DPP6: variants seen among roughly 807,000 people sequenced by gnomAD.
The protein encoded by DPP6 is A-type potassium channel modulatory protein DPP6.
Under a neutral mutation model 122.6 loss-of-function variants are expected in DPP6, and 69 were observed. The ratio of observed to expected loss-of-function variants is 0.56; its 90% CI spans 0.46 to 0.69. DPP6 has a LOEUF of 0.69. Among genes scored for constraint, DPP6 ranks in the 30% least tolerant of loss-of-function variants. DPP6 has a pLI of 0.00. For synonymous variants in DPP6, 418 were observed against 433.1 expected (o/e 0.97, Z 0.43); for missense variants, 928 against 1,116.9 (o/e 0.83, Z 2.41).
intron 7 of DPP6, among the ~76,000 whole-genome samples, chr7:154,703,490 G>T (rs914677935): frequency 6.6e-6 from 1 of 151,944 alleles, no homozygotes; most frequent in African/African-American, 2.4e-5. Flanking sequence ...ATGATGGTGG[G>T]TGCCTGTAAT....
At chr7:154,367,300 G>A (rs771407855) in intron 1 of DPP6, among the ~76,000 whole-genome samples, 10 of 152,214 alleles carry the variant, frequency 6.6e-5, no homozygotes, top group Non-Finnish European at 1.2e-4. Flanking sequence ...TGGTTAACCT[G>A]GAGCCACAGT....
chr7:153,873,819 A>G, the DPP6 span, among the ~76,000 whole-genome samples: 1 of 152,262 alleles, frequency 6.6e-6, no homozygotes, highest in Non-Finnish European at 1.5e-5. Flanking sequence ...CATGTCCAAA[A>G]GATGGAAGAA....
intron 1 of DPP6, among the ~76,000 whole-genome samples, chr7:154,365,944 C>A (rs1394780900): frequency 8.2e-6 from 1 of 122,164 alleles, no homozygotes; most frequent in Non-Finnish European, 1.6e-5. Context: ...GGCGACAGAG[C>A]GAGACTCCGT....
At chr7:154,756,880 G>C (rs4960605) in intron 8 of DPP6, among the ~76,000 whole-genome samples, 1 of 152,024 alleles carries the variant, frequency 6.6e-6, no homozygotes, top group African/African-American at 2.4e-5. Flanking sequence ...CACGGCCCCC[G>C]AGGAACAGGC....
In DPP6 at chr7:154,892,475, G is replaced by A. The variant is rs1190278765; in HGVS notation, c.2593G>A (p.Asp865Asn). The A allele has an allele frequency of 6.2e-7, 1 of 1,613,344 alleles. No individual in the cohort carries two copies. Among genetic ancestry groups the A allele is most frequent in the Non-Finnish European group, 8.5e-7 (1 of 1,179,490 alleles). ...CACAGCGAAAGAGGACGAGGAGGAG[G>A]ACTAAGCTCAGGTCGCTCTAAGCAC... ...TVTAKEDEEE[D>N] Residue 865 changes from aspartate (D) to asparagine (N), a missense_variant, in exon 26 of 26, where the codon GAC becomes AAC. Transcript: ENST00000377770.
At chr7:153,759,026 C>T in the DPP6 span, among the ~76,000 whole-genome samples, 1 of 151,302 alleles carries the variant, frequency 6.6e-6, no homozygotes, top group Non-Finnish European at 1.5e-5. Context: ...TCCCCCAAAT[C>T]CTTGCCCACA....
chr7:154,506,351 A>AT (rs1172682752), intron 3 of DPP6, among the ~76,000 whole-genome samples: 5 of 152,074 alleles, frequency 3.3e-5, no homozygotes, highest in Non-Finnish European at 7.4e-5. Context: ...AAGTTTCACA[A>AT]TTTTTTGTGC....
chr7:154,597,607 C>T (rs1183080503), intron 5 of DPP6, among the ~76,000 whole-genome samples: 1 of 82,734 alleles, frequency 1.2e-5, no homozygotes, highest in Non-Finnish European at 2.3e-5. Context: ...AGTGAGACTC[C>T]ATAAAAAAAA....
At chr7:154,503,841 T>C (rs1825448901) in intron 3 of DPP6, among the ~76,000 whole-genome samples, 1 of 152,180 alleles carries the variant, frequency 6.6e-6, no homozygotes. Context: ...GACTAGCTAA[T>C]GGTTGCTGGG....
chr7:153,921,086 A>G (rs1230552221), intron 1 of DPP6, among the ~76,000 whole-genome samples: 1 of 152,246 alleles, frequency 6.6e-6, no homozygotes, highest in African/African-American at 2.4e-5. Context: ...TCCCTGGCCA[A>G]TGATATGTAG....
intron 1 of DPP6, among the ~76,000 whole-genome samples, chr7:154,384,453 C>G (rs1235536600): frequency 6.6e-6 from 1 of 152,130 alleles, no homozygotes; most frequent in Non-Finnish European, 1.5e-5. Flanking sequence ...AAGGAGCAGG[C>G]ATTCCCTGCA....
At chr7:154,200,921 T>C (rs75128075) in intron 1 of DPP6, among the ~76,000 whole-genome samples, 3,490 of 152,216 alleles carry the variant, frequency 0.023, 138 homozygotes, top group African/African-American at 0.078. Context: ...GTATAGAATC[T>C]TCTTAGAATT....
intron 1 of DPP6, among the ~76,000 whole-genome samples, chr7:154,003,621 T>G (rs1254477595): frequency 2.0e-5 from 3 of 152,060 alleles, no homozygotes; most frequent in Non-Finnish European, 4.4e-5. Context: ...GGGTTTGGAA[T>G]AAAAGAAGGA....
chr7:154,501,984 T>A (rs1364135171), intron 3 of DPP6, among the ~76,000 whole-genome samples: 2 of 152,164 alleles, frequency 1.3e-5, no homozygotes, highest in Non-Finnish European at 2.9e-5. Context: ...ACCTCTTGCA[T>A]CAACATGACC....
chr7:154,441,203 A>G (rs1819342784), intron 1 of DPP6, among the ~76,000 whole-genome samples: 1 of 152,180 alleles, frequency 6.6e-6, no homozygotes, highest in South Asian at 2.1e-4. Context: ...ATTAAAGCTC[A>G]GGATGCAACA....
At chr7:154,506,682 A>G (rs1825690078) in intron 3 of DPP6, among the ~76,000 whole-genome samples, 1 of 152,180 alleles carries the variant, frequency 6.6e-6, no homozygotes. Flanking sequence ...AAAGGCGTAA[A>G]AAGATGATGA....
chr7:154,241,304 G>A lies in DPP6; in HGVS notation c.243+188241G>A, dbSNP rs1801599890. 6.6e-6 allele frequency among the ~76,000 whole-genome samples: 1 copy of A among 151,460 alleles called. No individual in the cohort carries two copies. Among genetic ancestry groups the A allele is most frequent in the African/African-American group, 2.4e-5 (1 of 41,202 alleles). On this transcript the variant is annotated intron_variant, in intron 1 of 25. Transcript: ENST00000377770. This position sits in a 1 kb window ranked among gnomAD's most constrained non-coding sequence, Gnocchi z 9.0. ...ATAACTATGTTTTCCATTAAAGTAT[G>A]TTTTCCATTAAAATGTACTAAATAG...
chr7:153,794,895 G>A, the DPP6 span, among the ~76,000 whole-genome samples: 7 of 151,980 alleles, frequency 4.6e-5, no homozygotes, highest in Non-Finnish European at 8.8e-5. Context: ...TTCTCTCGCC[G>A]CCATCATGTA....
chr7:154,697,992 C>G (rs966578361), intron 7 of DPP6, among the ~76,000 whole-genome samples: 2 of 151,964 alleles, frequency 1.3e-5, no homozygotes, highest in Non-Finnish European at 2.9e-5. Context: ...TATTTATTTT[C>G]CCATTATAAA....
Sources: allele counts gnomAD v4.1 joint callset (sites outside exome capture counted in the v4.1 genomes callset), GRCh38; gene constraint gnomAD v4.1.1; non-coding constraint Gnocchi (gnomAD v3.1); transcripts MANE v1.5; gene names NCBI Gene and HGNC (gene_info 2026-07-23, HGNC 2026-07-21).